The following TET3 variants were observed in gnomAD, a reference collection of about 807,000 sequenced individuals.
TET3 encodes tet methylcytosine dioxygenase 3, also known as methylcytosine dioxygenase TET3.
In TET3, 19 loss-of-function variants were observed where a neutral mutation model predicts 141.4. The observed-to-expected ratio is 0.13, with a 90% CI of 0.09 to 0.20. TET3 has a LOEUF of 0.20. TET3 is among the 10% of genes least tolerant of loss of function. The pLI, the probability that TET3 is intolerant of heterozygous loss-of-function variation, is 1.00. For missense variants in TET3, 1,874 were observed against 2,356.9 expected, an observed-to-expected ratio of 0.80 and a Z score of 4.24; for synonymous variants, 1,043 against 980.9, an observed-to-expected ratio of 1.06 and a Z score of -1.18.
chr2:74,110,948 T>C (rs557860017), downstream of TET3, among the ~76,000 whole-genome samples: 17 of 152,226 alleles, frequency 1.1e-4, no homozygotes, highest in African/African-American at 4.1e-4. Flanking sequence ...CTCCTTCCTA[T>C]CACCACCACA....
intron 3 of TET3, among the ~76,000 whole-genome samples, chr2:74,020,716 A>T (rs150734048): frequency 3.3e-5 from 5 of 152,216 alleles, no homozygotes; most frequent in African/African-American, 9.7e-5. Flanking sequence ...CTTGAGGGCT[A>T]TGCCCTTGGA....
At chr2:74,122,511 A>ATATATATTTT in the TET3 span, 1 of 47,554 alleles carries the variant, frequency 2.1e-5, no homozygotes, top group Non-Finnish European at 3.8e-5. Flanking sequence ...ATATATATAT[A>ATATATATTTT]TTTTTTTTTT....
chr2:74,098,371 A>C (rs990098264), intron 10 of TET3, among the ~76,000 whole-genome samples: 6 of 152,228 alleles, frequency 3.9e-5, no homozygotes, highest in Admixed American at 2.6e-4. Context: ...GCACAGGAAA[A>C]TATTTATACT....
intron 7 of TET3, 74 bp from the exon 8 acceptor site, chr2:74,089,823 C>G (rs1690377442): frequency 6.4e-7 from 1 of 1,568,964 alleles, no homozygotes; most frequent in Admixed American, 1.7e-5. Context: ...CAGGGCCACC[C>G]CTTGAGGGAG....
chr2:74,048,605 A>G (rs1194284181), intron 4 of TET3, among the ~76,000 whole-genome samples, 194 bp downstream of exon 4: 2 of 152,242 alleles, frequency 1.3e-5, no homozygotes, highest in Non-Finnish European at 2.9e-5. Flanking sequence ...CTGTGCGTGT[A>G]TGCCACGTCG....
chr2:74,042,709 C>G (rs144045885), intron 3 of TET3, among the ~76,000 whole-genome samples: 145 of 152,332 alleles, frequency 9.5e-4, no homozygotes, highest in Admixed American at 2.0e-3. Context: ...CTGGGCTGTT[C>G]TTAAATGCAG....
chr2:74,013,339 A>G (rs1685568194), intron 3 of TET3, among the ~76,000 whole-genome samples: 1 of 152,082 alleles, frequency 6.6e-6, no homozygotes, highest in African/African-American at 2.4e-5. Flanking sequence ...ATTTATTAAC[A>G]TAGGAGTTTT....
In TET3 at chr2:74,092,944, G is replaced by A; in HGVS notation, c.3082G>A (p.Val1028Ile). 1 of 1,589,592 alleles carries A rather than the reference G, an allele frequency of 6.3e-7. No individual in the cohort carries two copies. The highest frequency in any genetic ancestry group is 8.6e-7 in the Non-Finnish European group (1 of 1,168,192). The change falls in exon 9 of 12, where the codon GTC becomes ATC. Residue 1028 changes from valine to isoleucine, a missense_variant. Val to Ile is a conservative substitution (Grantham distance 29). Transcript: ENST00000409262. ...GAGTTTCCAGGACCTGGCCACCGAA[G>A]TCGCTCCCCTGTACAAGCGACTGGC... ...RKSFQDLATE[V>I]APLYKRLAPQ... is the part of the protein sequence containing the mutation.
chr2:74,059,415 G>T (rs1201884358), intron 4 of TET3, among the ~76,000 whole-genome samples: 1 of 152,220 alleles, frequency 6.6e-6, no homozygotes, highest in East Asian at 1.9e-4. Context: ...ACCACACCTG[G>T]CTAACTTTTG....
intron 5 of TET3, among the ~76,000 whole-genome samples, chr2:74,074,116 A>G (rs1689361933): frequency 6.6e-6 from 1 of 152,188 alleles, no homozygotes; most frequent in Non-Finnish European, 1.5e-5. Flanking sequence ...ACTCCTGGCC[A>G]GTGGAAACCT....
intron 4 of TET3, among the ~76,000 whole-genome samples, chr2:74,065,619 C>A: frequency 7.1e-6 from 1 of 139,870 alleles, no homozygotes. Flanking sequence ...TCCGTCCGTC[C>A]GTCCTTCCTT....
At chr2:74,009,003 T>C (rs1685291297) in intron 3 of TET3, among the ~76,000 whole-genome samples, 3 of 152,218 alleles carry the variant, frequency 2.0e-5, no homozygotes, top group Admixed American at 2.0e-4. Context: ...GTTTGCAACT[T>C]GTCCCTGACA....
chr2:74,062,342 G>T (rs1688639246), intron 4 of TET3, among the ~76,000 whole-genome samples: 1 of 152,222 alleles, frequency 6.6e-6, no homozygotes. Flanking sequence ...TGGGGAAGTT[G>T]TAGTATGGAG....
intron 4 of TET3, among the ~76,000 whole-genome samples, 192 bp from the exon 5 acceptor site, chr2:74,073,353 TGATG>T (rs978590988): frequency 6.6e-6 from 1 of 152,190 alleles, no homozygotes; most frequent in African/African-American, 2.4e-5. Context: ...GGTCCATATG[TGATG>T]GTGTTTTATT....
At chr2:74,039,657 T>G (rs890497329) in intron 3 of TET3, among the ~76,000 whole-genome samples, 3 of 152,166 alleles carry the variant, frequency 2.0e-5, no homozygotes, top group African/African-American at 7.2e-5. Context: ...CCTTAATATT[T>G]AGGGTCTCAG....
intron 3 of TET3, among the ~76,000 whole-genome samples, chr2:74,029,744 A>C (rs994795364): frequency 6.6e-6 from 1 of 152,174 alleles, no homozygotes; most frequent in African/African-American, 2.4e-5. Context: ...TCTGTTCCTT[A>C]TTCTATGCCT....
chr2:74,112,894 G>C (rs531445366), downstream of TET3, among the ~76,000 whole-genome samples: 2 of 150,948 alleles, frequency 1.3e-5, no homozygotes, highest in South Asian at 2.1e-4. Context: ...CCAGCTACTC[G>C]AGAGGCTGAG....
At position 74,080,546 on chromosome 2, in the gene TET3, G is replaced by C. The variant is rs79201046; in HGVS notation, c.2634G>C (p.Thr878=). The C allele has an allele frequency of 1.2e-6, 2 of 1,613,576 alleles. No individual in the cohort carries two copies. The highest frequency in any genetic ancestry group is 1.7e-6 in the Non-Finnish European group (2 of 1,179,720). ...KAIRIEKVIY[T]GKEGKSSRGC... ...TCCGGATCGAGAAGGTCATCTACACGGGGAAGGAGGGAAAGAGCTCCCGCG... is the reference window on the plus strand; with the variant it reads ...TCCGGATCGAGAAGGTCATCTACACCGGGAAGGAGGGAAAGAGCTCCCGCG... The change falls in exon 6 of 12, where the codon ACG becomes ACC. Residue 878 remains threonine (T), a synonymous_variant. Transcript: ENST00000409262.
At position 74,015,019 on chromosome 2, in the gene TET3, C is replaced by T. The variant is rs138814493; in HGVS notation, c.360+11853C>T. ...AGTGATCATGTGGTGAAGGCACAGTCTCCCCTCTCTGGGTCCAGCAGCGCC... is the reference window on the plus strand; with the variant it reads ...AGTGATCATGTGGTGAAGGCACAGTTTCCCCTCTCTGGGTCCAGCAGCGCC... On this transcript the variant is annotated intron_variant, in intron 3 of 11. Transcript: ENST00000409262. 3.4e-3 allele frequency among the ~76,000 whole-genome samples: 517 copies of T among 152,328 alleles called. 3 individuals are homozygous for T. Among genetic ancestry groups the T allele is most frequent in the African/African-American group, 0.012 (504 of 41,558 alleles).
Sources: allele counts gnomAD v4.1 joint callset (sites outside exome capture counted in the v4.1 genomes callset), GRCh38; gene constraint gnomAD v4.1.1; transcripts MANE v1.5; gene names NCBI Gene and HGNC (gene_info 2026-07-23, HGNC 2026-07-21).